MARCHF8: variants seen among roughly 807,000 people sequenced by gnomAD.
The protein encoded by MARCHF8 is membrane associated ring-CH-type finger 8, also known as E3 ubiquitin-protein ligase MARCHF8.
Under a neutral mutation model 51.6 loss-of-function variants are expected in MARCHF8, and 40 were observed. The ratio of observed to expected loss-of-function variants is 0.77; its 90% CI spans 0.60 to 1.01. The LOEUF is 1.01. Ranked by LOEUF, MARCHF8 falls within the 50% of genes least tolerant of loss-of-function variation. The probability of loss-of-function intolerance (pLI) is 0.00; values close to 1 mark genes in which losing one functional copy is unlikely to be tolerated. For synonymous variants in MARCHF8, 263 were observed against 280.3 expected, an observed-to-expected ratio of 0.94 and a Z score of 0.62; for missense variants, 685 against 708.6, an observed-to-expected ratio of 0.97 and a Z score of 0.38.
chr10:45,568,549 T>A (rs946254447), intron 1 of MARCHF8, among the ~76,000 whole-genome samples: 1 of 151,846 alleles, frequency 6.6e-6, no homozygotes, highest in Non-Finnish European at 1.5e-5. Flanking sequence ...TGAAACCCCA[T>A]GCCTACTAAA....
intron 5 of MARCHF8, 71 bp from the exon 6 acceptor site, chr10:45,461,482 G>A: frequency 7.5e-7 from 1 of 1,329,506 alleles, no homozygotes; most frequent in Non-Finnish European, 1.0e-6. Context: ...TCAGTGGCAG[G>A]TTAATCCCCC....
At chr10:45,538,816 A>G (rs1048078170), upstream of MARCHF8, among the ~76,000 whole-genome samples, 1 of 152,178 alleles carries the variant, frequency 6.6e-6, no homozygotes, top group Non-Finnish European at 1.5e-5. Flanking sequence ...GATTCATAAA[A>G]CAAGTCCTTA....
rs774126152 is a variant in MARCHF8 at position 45,489,368 on chromosome 10, T to C, written c.152A>G (p.Lys51Arg). ...HFMSHSSNISKAGSPPSASAP... is the reference protein window; with the variant it reads ...HFMSHSSNISRAGSPPSASAP... The stretch of plus-strand genomic sequence containing the variant: ...TAACATTTTTCAGTGGCACTCTACC[T>C]TAGAAATGTTGCTTGAATGACTCAT... The change falls in exon 3 of 8, where the codon AAG becomes AGG. Residue 51 changes from lysine (K) to arginine (R), a missense_variant and splice_region_variant. Physicochemically the swap from Lys to Arg is conservative, Grantham distance 26. Transcript: ENST00000453424. 6 of 1,612,246 alleles carry C rather than the reference T, an allele frequency of 3.7e-6. No individual in the cohort carries two copies. The highest frequency in any genetic ancestry group is 5.1e-6 in the Non-Finnish European group (6 of 1,178,744).
At chr10:45,498,038 T>C (rs1233864942) in intron 2 of MARCHF8, among the ~76,000 whole-genome samples, 3 of 152,212 alleles carry the variant, frequency 2.0e-5, no homozygotes, top group Admixed American at 6.5e-5. Context: ...CAGGTAACAT[T>C]ATACTTAATG....
intron 2 of MARCHF8, among the ~76,000 whole-genome samples, chr10:45,517,945 TAAAC>T (rs1278524225): frequency 2.6e-5 from 4 of 152,364 alleles, no homozygotes; most frequent in African/African-American, 7.2e-5. Context: ...TTGTAAGTGA[TAAAC>T]TAACCCTCCA....
chr10:45,502,408 A>C (rs74130837), intron 2 of MARCHF8, among the ~76,000 whole-genome samples: 4,369 of 152,296 alleles, frequency 0.029, 227 homozygotes, highest in African/African-American at 0.099. Flanking sequence ...ATATTTGAAG[A>C]AATTTGTTAA....
intron 2 of MARCHF8, among the ~76,000 whole-genome samples, chr10:45,495,370 T>A (rs2043154245): frequency 6.6e-6 from 1 of 152,182 alleles, no homozygotes; most frequent in Non-Finnish European, 1.5e-5. Flanking sequence ...ATAAATCTCA[T>A]TGTTTAATAG....
chr10:45,523,402 T>C lies in MARCHF8; in HGVS notation c.102+9708A>G, dbSNP rs538753503. On this transcript the variant is annotated intron_variant, in intron 2 of 7. Transcript: ENST00000453424. The stretch of plus-strand genomic sequence containing the variant: ...AGCCACATGTGATGGTGTATGCCTA[T>C]AGTCCCAGCTATTCAGGAGGCTGGG... Among the ~76,000 whole-genome samples, 105 of 152,282 alleles carry C rather than the reference T, an allele frequency of 6.9e-4. 3 individuals are homozygous for C. Among genetic ancestry groups the C allele is most frequent in the Admixed American group, 6.7e-3 (102 of 15,296 alleles).
intron 6 of MARCHF8, chr10:45,459,871 T>C (rs750849952): frequency 1.1e-4 from 107 of 985,362 alleles, no homozygotes; most frequent in Non-Finnish European, 1.2e-4. Flanking sequence ...ACTTTCTTTT[T>C]CATTTACTGG....
At chr10:45,497,142 A>G (rs987463680) in intron 2 of MARCHF8, among the ~76,000 whole-genome samples, 1 of 152,126 alleles carries the variant, frequency 6.6e-6, no homozygotes, top group Non-Finnish European at 1.5e-5. Flanking sequence ...TAGCACAAAA[A>G]CAACCACCAT....
chr10:45,547,878 C>G (rs2044146955), intron 1 of MARCHF8, among the ~76,000 whole-genome samples: 1 of 152,134 alleles, frequency 6.6e-6, no homozygotes, highest in Non-Finnish European at 1.5e-5. Flanking sequence ...TTAGATATTT[C>G]AAAAGTGGGT....
chr10:45,561,986 C>T (rs539345507), intron 1 of MARCHF8, among the ~76,000 whole-genome samples: 7 of 151,682 alleles, frequency 4.6e-5, no homozygotes, highest in South Asian at 4.2e-4. Flanking sequence ...TAAAACATTG[C>T]TTTCACAAAT....
chr10:45,515,186 A>C (rs2043598009), intron 2 of MARCHF8, among the ~76,000 whole-genome samples: 1 of 152,250 alleles, frequency 6.6e-6, no homozygotes, highest in African/African-American at 2.4e-5. Flanking sequence ...AATTTTCTGC[A>C]ACTTAAAATC....
At chr10:45,460,695 T>C (rs773327250) in intron 6 of MARCHF8, among the ~76,000 whole-genome samples, 1 of 152,196 alleles carries the variant, frequency 6.6e-6, no homozygotes, top group Non-Finnish European at 1.5e-5. Flanking sequence ...CAGCTGCGTG[T>C]CATGCAATGC....
chr10:45,485,071 G>A (rs1283630747), intron 3 of MARCHF8, among the ~76,000 whole-genome samples: 1 of 152,204 alleles, frequency 6.6e-6, no homozygotes, highest in Non-Finnish European at 1.5e-5. Flanking sequence ...ATGATGAAGA[G>A]GGATGAACCA....
intron 6 of MARCHF8, among the ~76,000 whole-genome samples, chr10:45,460,827 T>G (rs1842761442): frequency 6.6e-6 from 1 of 152,170 alleles, no homozygotes; most frequent in Non-Finnish European, 1.5e-5. Flanking sequence ...ACAAATAAAT[T>G]TACTGTATGC....
At chr10:45,591,274 TG>T (rs1003489222) in intron 1 of MARCHF8, among the ~76,000 whole-genome samples, 47 of 152,348 alleles carry the variant, frequency 3.1e-4, no homozygotes, top group African/African-American at 9.9e-4. Context: ...CAGACCAGTC[TG>T]GCCAACATGG....
chr10:45,477,013 C>G (rs992766600), intron 3 of MARCHF8, among the ~76,000 whole-genome samples: 12 of 152,060 alleles, frequency 7.9e-5, no homozygotes, highest in Non-Finnish European at 1.8e-4. Context: ...TCAGAGATAT[C>G]CAAATATAAT....
upstream of MARCHF8, among the ~76,000 whole-genome samples, chr10:45,537,335 C>A (rs575478746): frequency 3.6e-4 from 55 of 152,268 alleles, no homozygotes; most frequent in African/African-American, 1.3e-3. Flanking sequence ...ACACATGCCA[C>A]AATATGGACG....
Sources: allele counts gnomAD v4.1 joint callset (sites outside exome capture counted in the v4.1 genomes callset), GRCh38; gene constraint gnomAD v4.1.1; transcripts MANE v1.5; gene names NCBI Gene and HGNC (gene_info 2026-07-23, HGNC 2026-07-21).